MYO7B: variants seen among roughly 807,000 people sequenced by gnomAD.
The protein encoded by MYO7B is myosin VIIB, also known as unconventional myosin-VIIb.
In MYO7B, 212 loss-of-function variants were observed where a neutral mutation model predicts 259.7. The ratio of observed to expected loss-of-function variants is 0.82; its 90% CI spans 0.73 to 0.91. The LOEUF (loss-of-function observed/expected upper bound fraction) is 0.91, where lower values mean the gene tolerates loss of function less well. MYO7B is among the 40% of genes least tolerant of loss of function. The pLI is 0.00. For missense variants in MYO7B, 2,732 were observed against 2,813.5 expected (o/e 0.97, Z 0.66); for synonymous variants, 1,197 against 1,166.4 (o/e 1.03, Z -0.54).
chr2:127,588,094 C>G (rs1011644673), intron 14 of MYO7B, among the ~76,000 whole-genome samples: 2 of 152,144 alleles, frequency 1.3e-5, no homozygotes, highest in Non-Finnish European at 2.9e-5. Flanking sequence ...TCTGAAGGAG[C>G]CTTAGCCCTA....
At position 127,635,866 on chromosome 2, in the gene MYO7B, G is replaced by A. The variant is rs1229939043; in HGVS notation, c.5965G>A (p.Glu1989Lys). The stretch of plus-strand genomic sequence containing the variant: ...CAAGATCCTGAGGGAACTGGTGCCT[G>A]AGAACCTCACACGCCTGATGTCCTC... The part of the protein sequence containing the change: ...VPKILRELVP[E>K]NLTRLMSSEE... The change falls in exon 44 of 48, where the codon GAG (glutamate) becomes AAG (lysine). Residue 1989 changes from glutamate to lysine, a missense_variant. Physicochemically the swap from Glu to Lys is moderately conservative, Grantham distance 56. Around this residue, in one of 3 missense-constraint regions of MYO7B, gnomAD observed 821 missense variants for 769.3 expected, o/e 1.07. Coordinates refer to ENST00000409816, the MANE Select transcript of MYO7B (RefSeq NM_001393586.1). 1.9e-6 allele frequency: 3 copies of A among 1,582,896 alleles called. No individual in the cohort carries two copies. The highest frequency in any genetic ancestry group is 1.3e-5 in the African/African-American group (1 of 74,218).
At chr2:127,580,917 A>C in intron 10 of MYO7B, 95 bp downstream of exon 10, 2 of 1,230,144 alleles carry the variant, frequency 1.6e-6, no homozygotes, top group Non-Finnish European at 2.3e-6. Context: ...AACCCTACCC[A>C]GGCCCCCACC....
chr2:127,596,383 G>C (rs924530133), intron 18 of MYO7B, 79 bp from the exon 19 acceptor site: 1 of 1,177,964 alleles, frequency 8.5e-7, no homozygotes, highest in African/African-American at 1.5e-5. Context: ...TGCTACCTTC[G>C]GGAGACAGAG....
chr2:127,625,478 G>C lies in MYO7B; in HGVS notation c.4158G>C (p.Leu1386=). ...TGCCCAGCTGCATCCCCCACAAGCT[G>C]TACAGGACCAAGCCCCCAGACAGGT... ...ELLPSCIPHK[L]YRTKPPDRWA... is the part of the protein sequence containing the mutation. The change falls in exon 31 of 48, where the codon CTG becomes CTC. Residue 1386 remains leucine, a synonymous_variant. Coordinates refer to ENST00000409816, the MANE Select transcript of MYO7B (RefSeq NM_001393586.1). 1 of 1,612,114 alleles carries C rather than the reference G, an allele frequency of 6.2e-7. No homozygotes were observed. Among genetic ancestry groups the C allele is most frequent in the Non-Finnish European group, 8.5e-7 (1 of 1,179,562 alleles).
At chr2:127,593,334 C>T (rs1679640512) in intron 17 of MYO7B, among the ~76,000 whole-genome samples, 2 of 152,300 alleles carry the variant, frequency 1.3e-5, no homozygotes, top group African/African-American at 2.4e-5. Context: ...TGGCCTGGGC[C>T]GAGTCCCACA....
rs146037741 is a variant in MYO7B, at chr2:127,559,438, C to A, written c.-23-262C>A. ...TTGGGGCTTCTGGATGACAGGGAAC[C>A]ACCTACTCCCTGTATCAAGCCCAGG... is the stretch of plus-strand genomic sequence containing the variant. On this transcript the variant is annotated intron_variant, in intron 1 of 47. Transcript: ENST00000409816. The surrounding 1 kb of genome is among the most constrained non-coding windows in gnomAD (Gnocchi z 4.1). Among the ~76,000 whole-genome samples the A allele has an allele frequency of 4.7e-3, 719 of 152,294 alleles. 7 individuals are homozygous for A. Among genetic ancestry groups the A allele is most frequent in the African/African-American group, 0.017 (689 of 41,548 alleles).
In MYO7B at chr2:127,569,925, G is replaced by A; in HGVS notation, c.592+15G>A. Reference sequence around the variant, plus strand: ...CATCCTGGAGGGTAAGCATCACTCTGGGACCCGCCCTTCTCCCCCAGCCCC... The same window carrying A: ...CATCCTGGAGGGTAAGCATCACTCTAGGACCCGCCCTTCTCCCCCAGCCCC... On this transcript the variant is annotated intron_variant, in intron 6 of 47. Coordinates refer to ENST00000409816, the MANE Select transcript of MYO7B (RefSeq NM_001393586.1). 1 of 1,605,292 alleles carries A rather than the reference G, an allele frequency of 6.2e-7. No individual in the cohort carries two copies. The highest frequency in any genetic ancestry group is 8.5e-7 in the Non-Finnish European group (1 of 1,174,864).
At position 127,576,560 on chromosome 2, in the gene MYO7B, A is replaced by T; in HGVS notation, c.736-35A>T. The T allele has an allele frequency of 7.1e-7, 1 of 1,414,476 alleles. No individual in the cohort carries two copies. Among genetic ancestry groups the T allele is most frequent in the Admixed American group, 1.8e-5 (1 of 56,082 alleles). 87.6% of individuals were successfully genotyped at this position (1,414,476 alleles called of 1,614,324 possible). On this transcript the variant is annotated intron_variant, in intron 7 of 47. Coordinates refer to ENST00000409816, the MANE Select transcript of MYO7B (RefSeq NM_001393586.1). The surrounding 1 kb of genome is among the most constrained non-coding windows in gnomAD (Gnocchi z 4.9). ...CCCTGAGGCCTCAGGGGAATGGCTC[A>T]TGAATCTGTCTGGAATGCCCTCCCT...
rs778702473 is a variant in MYO7B at position 127,580,856 on chromosome 2, T to G, written c.1080+34T>G. The stretch of plus-strand genomic sequence containing the variant: ...GCTGTGCCCACAGCTTCCATTTTGG[T>G]GGGGGGCCTCAGAGGCCTGGGCTGA... On this transcript the variant is annotated intron_variant, in intron 10 of 47. Coordinates refer to ENST00000409816, the MANE Select transcript of MYO7B (RefSeq NM_001393586.1). 1.6e-5 allele frequency: 25 copies of G among 1,595,346 alleles called. No individual in the cohort carries two copies. The East Asian group carries it at 5.6e-4, about 36-fold the overall frequency.
At chr2:127,570,550 A>G (rs1157358469) in intron 6 of MYO7B, among the ~76,000 whole-genome samples, 1 of 152,360 alleles carries the variant, frequency 6.6e-6, no homozygotes, top group Middle Eastern at 3.4e-3. Context: ...CTCGGCCCCA[A>G]GGCTGTCAGC....
At chr2:127,582,242 T>C in intron 11 of MYO7B, 62 bp from the exon 12 acceptor site, 1 of 1,588,458 alleles carries the variant, frequency 6.3e-7, no homozygotes, top group Non-Finnish European at 8.6e-7. Context: ...CCAGGTGAAC[T>C]TGGAGGTAAC....
At chr2:127,598,099 A>C (rs1201537421) in intron 19 of MYO7B, among the ~76,000 whole-genome samples, 1 of 152,224 alleles carries the variant, frequency 6.6e-6, no homozygotes, top group Non-Finnish European at 1.5e-5. Context: ...TGAGAACATC[A>C]GTTGCCGTTT....
intron 17 of MYO7B, 72 bp downstream of exon 17, chr2:127,593,018 C>T (rs2104978208): frequency 6.5e-7 from 1 of 1,530,486 alleles, no homozygotes; most frequent in South Asian, 1.2e-5. Context: ...CCTCCAGCCC[C>T]CAGTACCGAG....
Position 127,590,336 on chromosome 2 carries a change from G to A in MYO7B, c.1992+107G>A. 6.8e-7 allele frequency: 1 copy of A among 1,477,634 alleles called. No homozygotes were observed. Among genetic ancestry groups the A allele is most frequent in the South Asian group, 1.2e-5 (1 of 81,266 alleles). The allele number at this position is 1,477,634 out of a possible 1,614,324, so 91.5% of individuals were successfully genotyped here. A position where few individuals can be genotyped will look rare whatever the true frequency, so the allele number is the denominator to read the frequency against. On this transcript the variant is annotated intron_variant, in intron 16 of 47. Transcript: ENST00000409816. The surrounding 1 kb of genome is among the most constrained non-coding windows in gnomAD (Gnocchi z 4.6). ...CCAGGGCCTGGCTAGCGTTAGAGCT[G>A]TTACTGCCCCTACCTTACAGATAAG...
In MYO7B at chr2:127,610,004, T is replaced by G; in HGVS notation, c.3180T>G (p.Ser1060Arg). 6.2e-7 allele frequency: 1 copy of G among 1,609,256 alleles called. No homozygotes were observed. The highest frequency in any genetic ancestry group is 1.7e-4 in the Middle Eastern group (1 of 5,774). The change falls in exon 24 of 48, where the codon AGT (serine) becomes AGG (arginine). Residue 1060 changes from serine to arginine, a missense_variant. Coordinates refer to ENST00000409816, the MANE Select transcript of MYO7B (RefSeq NM_001393586.1). ...REHGAQVPQH[S>R]RSAQRSGCKD... Reference sequence around the variant, plus strand: ...ACGGTGCCCAGGTTCCACAGCACAGTAGATCTGCACAGGCAAGTGGGGGGC... The same window carrying G: ...ACGGTGCCCAGGTTCCACAGCACAGGAGATCTGCACAGGCAAGTGGGGGGC...
chr2:127,588,117 C>G (rs1679371061), intron 14 of MYO7B, among the ~76,000 whole-genome samples: 1 of 152,028 alleles, frequency 6.6e-6, no homozygotes, highest in Non-Finnish European at 1.5e-5. Flanking sequence ...AGGATCTGCC[C>G]AGAGGCAGGA....
chr2:127,558,386 A>G (rs555316419), intron 1 of MYO7B, among the ~76,000 whole-genome samples: 17 of 152,354 alleles, frequency 1.1e-4, no homozygotes, highest in African/African-American at 4.1e-4. Flanking sequence ...GAATGCTTCT[A>G]CACTGCTGGT....
intron 24 of MYO7B, among the ~76,000 whole-genome samples, 180 bp downstream of exon 24, chr2:127,610,196 C>T (rs1680325798): frequency 1.3e-5 from 2 of 152,200 alleles, no homozygotes; most frequent in Admixed American, 6.5e-5. Flanking sequence ...GAACCATGTT[C>T]AGGAGCTCAT....
rs747562108 is a variant in MYO7B at position 127,627,662 on chromosome 2, G to A, written c.4460+352G>A. 1 of 467,738 alleles carries A rather than the reference G, an allele frequency of 2.1e-6. No homozygotes were observed. Among genetic ancestry groups the A allele is most frequent in the South Asian group, 1.5e-5 (1 of 64,650 alleles). The allele number at this position is 467,738 out of a possible 1,614,324, so 29.0% of individuals were successfully genotyped here. ...GAGAACTGGTGGCCTGGAGGGTACAGGTTGTCTGGGAAGGCGACAAGGGAC... is the reference window on the plus strand; with the variant it reads ...GAGAACTGGTGGCCTGGAGGGTACAAGTTGTCTGGGAAGGCGACAAGGGAC... On this transcript the variant is annotated intron_variant, in intron 33 of 47. Coordinates refer to ENST00000409816, the MANE Select transcript of MYO7B (RefSeq NM_001393586.1). This position sits in a 1 kb window ranked among gnomAD's most constrained non-coding sequence, Gnocchi z 5.6.
Sources: allele counts gnomAD v4.1 joint callset (sites outside exome capture counted in the v4.1 genomes callset), GRCh38; gene constraint gnomAD v4.1.1; regional missense constraint gnomAD v4.1.1; non-coding constraint Gnocchi (gnomAD v3.1); transcripts MANE v1.5; gene names NCBI Gene and HGNC (gene_info 2026-07-23, HGNC 2026-07-21).